Variants in GRM7 observed in about 807,000 individuals in gnomAD.
The protein encoded by GRM7 is metabotropic glutamate receptor 7.
In GRM7, 35 loss-of-function variants were observed where a neutral mutation model predicts 84.5. The observed-to-expected ratio is 0.41, with a 90% confidence interval of 0.32 to 0.55. The LOEUF is 0.55. Ranked by LOEUF, GRM7 falls within the 20% of genes least tolerant of loss-of-function variation. GRM7 has a pLI of 0.19. For synonymous variants in GRM7, 487 were observed against 455.1 expected, an observed-to-expected ratio of 1.07 and a Z score of -0.89; for missense variants, 1,003 against 1,194.6, an observed-to-expected ratio of 0.84 and a Z score of 2.36.
intron 4 of GRM7, among the ~76,000 whole-genome samples, chr3:7,390,049 G>T (rs1312892989): frequency 6.6e-6 from 1 of 152,002 alleles, no homozygotes; most frequent in Non-Finnish European, 1.5e-5. Context: ...GATGGGTCTG[G>T]TGGTGATTAA....
chr3:7,200,521 A>G (rs993164934), intron 2 of GRM7, among the ~76,000 whole-genome samples: 1 of 152,318 alleles, frequency 6.6e-6, no homozygotes, highest in East Asian at 1.9e-4. Context: ...ACAAGCTCCC[A>G]GATGACGCCA....
At chr3:7,239,869 T>C (rs928744219) in intron 2 of GRM7, among the ~76,000 whole-genome samples, 1 of 152,192 alleles carries the variant, frequency 6.6e-6, no homozygotes, top group Non-Finnish European at 1.5e-5. Flanking sequence ...TCTCCTGAAA[T>C]CAGAGAATCA....
chr3:6,942,332 A>G (rs1697922815), intron 1 of GRM7, among the ~76,000 whole-genome samples: 1 of 152,154 alleles, frequency 6.6e-6, no homozygotes, highest in Non-Finnish European at 1.5e-5. Flanking sequence ...CATGTAATTA[A>G]AATGCACAAT....
At chr3:7,036,184 T>C (rs1299175255) in intron 1 of GRM7, among the ~76,000 whole-genome samples, 4 of 152,172 alleles carry the variant, frequency 2.6e-5, no homozygotes, top group Non-Finnish European at 5.9e-5. Context: ...ATTAATTGTA[T>C]AATAAAAATT....
intron 2 of GRM7, among the ~76,000 whole-genome samples, chr3:7,287,014 G>A (rs893625645): frequency 2.6e-5 from 4 of 152,108 alleles, no homozygotes; most frequent in African/African-American, 9.7e-5. Context: ...TTGGGCGATG[G>A]CTGGAGCTGA....
chr3:7,137,421 T>C (rs1057002956), intron 1 of GRM7, among the ~76,000 whole-genome samples: 7 of 152,138 alleles, frequency 4.6e-5, no homozygotes, highest in African/African-American at 1.7e-4. Flanking sequence ...GTTTGCTTGT[T>C]TATTTTTAAC....
intron 1 of GRM7, among the ~76,000 whole-genome samples, chr3:7,090,211 A>G (rs968258849): frequency 1.3e-5 from 2 of 152,208 alleles, no homozygotes; most frequent in Non-Finnish European, 2.9e-5. Flanking sequence ...AGGAATAAGC[A>G]TGTGGTAAGT....
rs766314792 is a variant in GRM7 at position 7,103,794 on chromosome 3, CTT to C, written c.520-42656_520-42655del. 9.0e-4 allele frequency among the ~76,000 whole-genome samples: 101 copies of C among 112,640 alleles called. 2 individuals are homozygous for C. The highest frequency in any genetic ancestry group is 1.9e-3 in the Admixed American group (22 of 11,628). 73.9% of individuals were successfully genotyped at this position (112,640 alleles called of 152,430 possible). A position where few individuals can be genotyped will look rare whatever the true frequency, so the allele number is the denominator to read the frequency against. ...TCTTTCTTTCTTTCTTTCTTTCTTT[CTT>C]TCTTTCTTTCTTTCTTTCTTTCTCT... is the stretch of plus-strand genomic sequence containing the variant. On this transcript the variant is annotated intron_variant, in intron 1 of 9. Transcript: ENST00000357716.
intron 8 of GRM7, among the ~76,000 whole-genome samples, chr3:7,600,670 C>A (rs1167910811): frequency 6.6e-6 from 1 of 152,096 alleles, no homozygotes; most frequent in Non-Finnish European, 1.5e-5. Context: ...TAATGTATGC[C>A]TTTAAATTAC....
intron 4 of GRM7, among the ~76,000 whole-genome samples, chr3:7,410,799 A>G (rs1261688908): frequency 6.6e-6 from 1 of 152,170 alleles, no homozygotes; most frequent in African/African-American, 2.4e-5. Flanking sequence ...AGAAGCTAGT[A>G]AGGTATATAC....
At chr3:7,601,025 C>T (rs560874387) in intron 8 of GRM7, among the ~76,000 whole-genome samples, 11 of 152,216 alleles carry the variant, frequency 7.2e-5, no homozygotes, top group Middle Eastern at 3.4e-3. Context: ...ATTTGCCCTG[C>T]CATGGAGTCT....
intron 1 of GRM7, among the ~76,000 whole-genome samples, chr3:6,948,185 G>A (rs1034891453): frequency 6.6e-6 from 1 of 151,802 alleles, no homozygotes; most frequent in Non-Finnish European, 1.5e-5. Context: ...TTCTCTTGTG[G>A]GCATTTAGTG....
intron 1 of GRM7, among the ~76,000 whole-genome samples, chr3:7,131,593 C>T (rs933521025): frequency 6.6e-6 from 1 of 152,062 alleles, no homozygotes; most frequent in Non-Finnish European, 1.5e-5. Flanking sequence ...ATTCTCCTGC[C>T]TCGGCCTCCT....
At chr3:6,915,554 C>G (rs929191354) in intron 1 of GRM7, among the ~76,000 whole-genome samples, 34 of 152,184 alleles carry the variant, frequency 2.2e-4, no homozygotes, top group African/African-American at 8.2e-4. Flanking sequence ...ACAAAAATCG[C>G]TTGGTTCTAT....
chr3:6,889,113 A>C (rs924125210), intron 1 of GRM7, among the ~76,000 whole-genome samples: 2 of 152,192 alleles, frequency 1.3e-5, no homozygotes, highest in African/African-American at 4.8e-5. Context: ...GTTGCTTGTC[A>C]GCTTAAGGAG....
intron 1 of GRM7, among the ~76,000 whole-genome samples, chr3:7,082,670 A>T (rs1410179034): frequency 2.0e-5 from 3 of 152,108 alleles, no homozygotes; most frequent in African/African-American, 7.2e-5. Flanking sequence ...ACCCCCTGGA[A>T]ATAAATTTAT....
At chr3:7,315,064 A>G (rs965416042) in intron 4 of GRM7, among the ~76,000 whole-genome samples, 1 of 152,070 alleles carries the variant, frequency 6.6e-6, no homozygotes, top group African/African-American at 2.4e-5. Flanking sequence ...GTCTTGTCAG[A>G]GATTTCTCTA....
At chr3:6,868,512 G>T (rs1001003733) in intron 1 of GRM7, among the ~76,000 whole-genome samples, 2 of 151,994 alleles carry the variant, frequency 1.3e-5, no homozygotes, top group East Asian at 1.9e-4. Flanking sequence ...AAGTAGCCCC[G>T]TATGCAGGAA....
intron 5 of GRM7, among the ~76,000 whole-genome samples, chr3:7,435,332 T>G (rs914251603): frequency 4.0e-5 from 6 of 151,836 alleles, no homozygotes; most frequent in African/African-American, 1.2e-4. Flanking sequence ...CCTGGGTAGT[T>G]TTTTTATATT....
Sources: allele counts gnomAD v4.1 joint callset (sites outside exome capture counted in the v4.1 genomes callset), GRCh38; gene constraint gnomAD v4.1.1; transcripts MANE v1.5; gene names NCBI Gene and HGNC (gene_info 2026-07-23, HGNC 2026-07-21).